The following DMD variants were observed in gnomAD, a reference collection of about 807,000 sequenced individuals.
The protein encoded by DMD is dystrophin.
DMD carries 63 observed loss-of-function variants against 330.1 expected under a neutral mutation model. The observed-to-expected ratio is 0.19, with a 90% CI of 0.16 to 0.24. The LOEUF (loss-of-function observed/expected upper bound fraction) is 0.24, where lower values mean the gene tolerates loss of function less well. Among genes scored for constraint, DMD ranks in the 10% least tolerant of loss-of-function variants. The pLI is 1.00. For missense variants in DMD, 3,344 were observed against 2,684.1 expected, an observed-to-expected ratio of 1.25 and a Z score of -5.43; for synonymous variants, 1,223 against 959.8, an observed-to-expected ratio of 1.27 and a Z score of -5.07.
chrX:31,756,463 TACAC>T (rs58167942), intron 51 of DMD, among the ~76,000 whole-genome samples: 14,962 of 106,314 alleles, frequency 0.14, 727 homozygotes, highest in East Asian at 0.19. Flanking sequence ...CGTGTATGTG[TACAC>T]ACACACACAC....
At chrX:33,216,845 T>A (rs1431888754) in intron 1 of DMD, among the ~76,000 whole-genome samples, 1 of 111,418 alleles carries the variant, frequency 9.0e-6, no homozygotes, top group East Asian at 2.8e-4. Context: ...GGCATATTAA[T>A]TAGAAAGAAC....
chrX:31,367,420 G>A (rs781470994), intron 60 of DMD, among the ~76,000 whole-genome samples: 9 of 110,728 alleles, frequency 8.1e-5, no homozygotes, highest in Non-Finnish European at 1.3e-4. Context: ...CTCGAGGAAG[G>A]ATTCAACATT....
intron 57 of DMD, among the ~76,000 whole-genome samples, chrX:31,491,762 T>A (rs1446447378): frequency 9.0e-6 from 1 of 111,295 alleles, no homozygotes; most frequent in Non-Finnish European, 1.9e-5. Flanking sequence ...GAACCATATA[T>A]CTCTCCATGA....
At position 31,689,473 on chromosome X, in the gene DMD, C is replaced by T. The variant is rs760785806; in HGVS notation, c.7661-9887G>A. On this transcript the variant is annotated intron_variant, in intron 52 of 78. Transcript: ENST00000357033. ...CACTGCTCAAGGAAATAAAAGAGGA[C>T]ACAAACAAATGGAAGAACATTCCAT... Among the ~76,000 whole-genome samples, 532 of 111,171 alleles carry T rather than the reference C, an allele frequency of 4.8e-3. 3 individuals are homozygous for T. The highest frequency in any genetic ancestry group is 0.016 in the African/African-American group (483 of 30,610).
chrX:33,008,086 T>A lies in DMD; in HGVS notation c.93+12053A>T, dbSNP rs1051225408. ...GGTCTCTTAGTTTGCACTCATCACC[T>A]GGCCACAATTCTGGACAAGACCGAA... On this transcript the variant is annotated intron_variant, in intron 2 of 78. Coordinates refer to ENST00000357033, the MANE Select transcript of DMD (RefSeq NM_004006.3). Among the ~76,000 whole-genome samples the A allele has an allele frequency of 4.5e-5, 5 of 111,805 alleles. No homozygotes were observed. The Admixed American group carries it at 4.8e-4, about 11-fold the overall frequency.
At chrX:32,189,399 A>T (rs2096962073) in intron 44 of DMD, among the ~76,000 whole-genome samples, 1 of 109,969 alleles carries the variant, frequency 9.1e-6, no homozygotes, top group South Asian at 3.8e-4. Context: ...TTTGTTTTGC[A>T]AACTTTGTAT....
chrX:32,208,811 T>C (rs1221856663), intron 44 of DMD, among the ~76,000 whole-genome samples: 1 of 111,435 alleles, frequency 9.0e-6, no homozygotes, highest in East Asian at 2.8e-4. Flanking sequence ...TTCTGGTATT[T>C]AACATATGCT....
intron 44 of DMD, among the ~76,000 whole-genome samples, chrX:32,182,274 A>G (rs1279212851): frequency 8.9e-6 from 1 of 112,461 alleles, no homozygotes; most frequent in Admixed American, 9.5e-5. Context: ...CTATATTATC[A>G]TAGAAGCTAG....
At chrX:31,789,094 A>G (rs1163877852) in intron 50 of DMD, among the ~76,000 whole-genome samples, 1 of 111,538 alleles carries the variant, frequency 9.0e-6, no homozygotes, top group Non-Finnish European at 1.9e-5. Flanking sequence ...ATTGATAGGT[A>G]GGAATTTACT....
At chrX:33,292,758 T>C (rs2053530810) in intron 1 of DMD, among the ~76,000 whole-genome samples, 1 of 111,107 alleles carries the variant, frequency 9.0e-6, no homozygotes, top group African/African-American at 3.3e-5. Flanking sequence ...TTCTGAAGTA[T>C]ATATTTTTGG....
chrX:33,010,154 A>T (rs191683643), intron 2 of DMD, among the ~76,000 whole-genome samples: 91 of 103,701 alleles, frequency 8.8e-4, no homozygotes, highest in African/African-American at 2.2e-3. Context: ...GTATATATAC[A>T]TGTGTGTATA....
At chrX:31,838,835 G>A in intron 48 of DMD, among the ~76,000 whole-genome samples, 1 of 111,540 alleles carries the variant, frequency 9.0e-6, no homozygotes, top group South Asian at 3.8e-4. Context: ...TGGGATGTGG[G>A]AGAGTTAATA....
At chrX:31,994,997 G>T (rs2095575035) in intron 44 of DMD, among the ~76,000 whole-genome samples, 2 of 111,698 alleles carry the variant, frequency 1.8e-5, no homozygotes, top group South Asian at 7.6e-4. Context: ...CCAAATAGTT[G>T]TTTGGTAGAG....
At chrX:32,550,598 A>G (rs185729628) in intron 16 of DMD, among the ~76,000 whole-genome samples, 1 of 110,820 alleles carries the variant, frequency 9.0e-6, no homozygotes, top group Admixed American at 9.7e-5. Flanking sequence ...TAGCAAACTA[A>G]CCCCAAAGCT....
intron 55 of DMD, among the ~76,000 whole-genome samples, chrX:31,591,686 C>T (rs1233567274): frequency 9.0e-6 from 1 of 110,876 alleles, no homozygotes; most frequent in African/African-American, 3.3e-5. Flanking sequence ...AGCATTTCCC[C>T]AGCCCCCAAT....
At position 32,477,904 on chromosome X, in the gene DMD, T is replaced by G. The variant is rs947024679; in HGVS notation, c.2804-5595A>C. On this transcript the variant is annotated intron_variant, in intron 21 of 78. Transcript: ENST00000357033. ...GGCCAGTTTGAGTTGAGATGTTTTG[T>G]ATATATAAAGACACACCAGATATTG... Among the ~76,000 whole-genome samples, 3 of 111,644 alleles carry G rather than the reference T, an allele frequency of 2.7e-5. No homozygotes were observed. The Admixed American group carries it at 2.9e-4, about 11-fold the overall frequency.
intron 44 of DMD, among the ~76,000 whole-genome samples, chrX:32,167,097 AC>A (rs1387818691): frequency 1.8e-5 from 2 of 111,603 alleles, no homozygotes; most frequent in African/African-American, 6.5e-5. Context: ...CTTCACCCCT[AC>A]CTGTGCATTC....
chrX:31,681,096 T>C (rs1000760263), intron 52 of DMD, among the ~76,000 whole-genome samples: 6 of 111,322 alleles, frequency 5.4e-5, no homozygotes, highest in Admixed American at 1.9e-4. Context: ...CTCTATATCA[T>C]CCTCCCAGAC....
At chrX:31,250,996 C>T (rs1271009682) in intron 63 of DMD, among the ~76,000 whole-genome samples, 1 of 109,094 alleles carries the variant, frequency 9.2e-6, no homozygotes, top group Non-Finnish European at 1.9e-5. Flanking sequence ...GCAGGAAAAT[C>T]GCTTGAACCC....
Sources: allele counts gnomAD v4.1 joint callset (sites outside exome capture counted in the v4.1 genomes callset), GRCh38; gene constraint gnomAD v4.1.1; transcripts MANE v1.5; gene names NCBI Gene and HGNC (gene_info 2026-07-23, HGNC 2026-07-21).